Variants in HSF2 observed in about 807,000 individuals in gnomAD.
HSF2 encodes heat shock transcription factor 2, also known as heat shock factor protein 2.
Under a neutral mutation model 65.0 loss-of-function variants are expected in HSF2, and 21 were observed. The ratio of observed to expected loss-of-function variants is 0.32; its 90% CI spans 0.23 to 0.47. The LOEUF is 0.47. Ranked by LOEUF, HSF2 falls within the 20% of genes least tolerant of loss-of-function variation. The probability of loss-of-function intolerance (pLI) is 1.00; values close to 1 mark genes in which losing one functional copy is unlikely to be tolerated. For synonymous variants in HSF2, 225 were observed against 219.1 expected (o/e 1.03, Z -0.24); for missense variants, 499 against 628.1 (o/e 0.79, Z 2.20).
At chr6:122,401,456 T>C (rs141083076) in intron 1 of HSF2, among the ~76,000 whole-genome samples, 1,757 of 152,332 alleles carry the variant, frequency 0.012, 39 homozygotes, top group African/African-American at 0.041. Context: ...CAGTTGCTTT[T>C]AATCAGAGTA....
At chr6:122,423,119 C>A (rs1774272548) in intron 9 of HSF2, among the ~76,000 whole-genome samples, 162 bp downstream of exon 9, 1 of 152,288 alleles carries the variant, frequency 6.6e-6, no homozygotes, top group South Asian at 2.1e-4. Flanking sequence ...GGGATTTAAT[C>A]ATCCCAAGAA....
At chr6:122,404,715 C>G (rs1773825443) in intron 1 of HSF2, among the ~76,000 whole-genome samples, 1 of 152,136 alleles carries the variant, frequency 6.6e-6, no homozygotes, top group Admixed American at 6.5e-5. Flanking sequence ...TTTTCTCATC[C>G]TTGTAAAATA....
chr6:122,429,617 C>A (rs1168663377), intron 11 of HSF2, among the ~76,000 whole-genome samples: 1 of 152,056 alleles, frequency 6.6e-6, no homozygotes, highest in Non-Finnish European at 1.5e-5. Flanking sequence ...GAAATGAAAT[C>A]TCATTCAGTA....
rs781738612 is a variant in HSF2 at position 122,432,072 on chromosome 6, A to G, written c.1463A>G (p.Asp488Gly). 1.2e-6 allele frequency: 2 copies of G among 1,614,132 alleles called. No individual in the cohort carries two copies. The highest frequency in any genetic ancestry group is 2.2e-5 in the South Asian group (2 of 91,080). Residue 488 changes from aspartate to glycine, a missense_variant, in exon 13 of 13, where the codon GAT becomes GGT. This residue lies in a region of HSF2 where 349 missense variants were observed against 393.5 expected (regional missense o/e 0.89). Coordinates refer to ENST00000368455, the MANE Select transcript of HSF2 (RefSeq NM_004506.4). Reference protein sequence around the residue: ...DKPIEVDELLDSSLDPEPTQS... With the variant: ...DKPIEVDELLGSSLDPEPTQS... ...CCCATAGAAGTTGATGAGCTTCTGG[A>G]TAGCAGCCTAGACCCAGAACCAACC... is the stretch of plus-strand genomic sequence containing the variant.
chr6:122,404,991 A>C (rs1381569089), intron 1 of HSF2, among the ~76,000 whole-genome samples: 1 of 152,200 alleles, frequency 6.6e-6, no homozygotes, highest in Non-Finnish European at 1.5e-5. Context: ...CCAAAGATTA[A>C]TTTAGTCAGT....
At chr6:122,427,317 T>C (rs534838698) in intron 10 of HSF2, among the ~76,000 whole-genome samples, 8 of 152,100 alleles carry the variant, frequency 5.3e-5, no homozygotes, top group Admixed American at 2.6e-4. Context: ...TTATGACTTA[T>C]AGTTACATCT....
Position 122,432,470 on chromosome 6 carries a change from T to C in HSF2, c.*250T>C. 1 of 377,254 alleles carries C rather than the reference T, an allele frequency of 2.7e-6. No homozygotes were observed. Among genetic ancestry groups the C allele is most frequent in the Non-Finnish European group, 4.8e-6 (1 of 208,540 alleles). 23.4% of individuals were successfully genotyped at this position (377,254 alleles called of 1,614,324 possible). ...TCTTTAAGTTGGATTCAAATGGCCA[T>C]TTTTCTCCAATTTTGGTAAATTGGA... On this transcript the variant is annotated 3_prime_UTR_variant, in exon 13 of 13. Transcript: ENST00000368455.
chr6:122,420,187 A>T lies in HSF2; in HGVS notation c.646A>T (p.Ile216Leu). The change falls in exon 7 of 13, where the codon ATA (isoleucine) becomes TTA (leucine). Residue 216 changes from isoleucine to leucine, a missense_variant. By Grantham distance (5) the Ile-to-Leu change is conservative. Transcript: ENST00000368455. ...CCAAAAGAAGAACCTGTTTCAGCAC[A>T]TAGTCAAAGAACCAACTGATAATCA... ...GAQKKNLFQH[I>L]VKEPTDNHHH... 6.2e-7 allele frequency: 1 copy of T among 1,606,884 alleles called. No homozygotes were observed. The highest frequency in any genetic ancestry group is 8.5e-7 in the Non-Finnish European group (1 of 1,174,352).
chr6:122,399,813 T>C lies in HSF2; in HGVS notation c.76T>C (p.Phe26Leu). ...TGTGGAGGAAACCCACACTAACGAG[T>C]TCATCACCTGGAGCCAGGTACGGTC... ...TLVEETHTNE[F>L]ITWSQNGQSF... Residue 26 changes from phenylalanine to leucine, a missense_variant, in exon 1 of 13, where the codon TTC becomes CTC. By Grantham distance (22) the Phe-to-Leu change is conservative. This residue lies in a region of HSF2 where 150 missense variants were observed against 234.6 expected (regional missense o/e 0.64). Coordinates refer to ENST00000368455, the MANE Select transcript of HSF2 (RefSeq NM_004506.4). The C allele has an allele frequency of 6.2e-7, 1 of 1,611,644 alleles. No homozygotes were observed. Among genetic ancestry groups the C allele is most frequent in the East Asian group, 2.2e-5 (1 of 44,598 alleles).
intron 10 of HSF2, 144 bp from the exon 11 acceptor site, chr6:122,427,759 C>G (rs1406661688): frequency 4.6e-6 from 2 of 438,942 alleles, no homozygotes; most frequent in Non-Finnish European, 8.1e-6. Context: ...TTCTGCTTTT[C>G]TCTTTCAAAC....
intron 12 of HSF2, 55 bp from the exon 13 acceptor site, chr6:122,431,870 C>T: frequency 6.7e-7 from 1 of 1,489,064 alleles, no homozygotes; most frequent in Non-Finnish European, 9.1e-7. Context: ...TTTTTCCCCT[C>T]AGCTTGAACT....
Position 122,423,663 on chromosome 6 carries a change from A to G in HSF2, c.1153A>G (p.Ile385Val), listed in dbSNP as rs1440876158. The change falls in exon 10 of 13, where the codon ATA becomes GTA. Residue 385 changes from isoleucine (I) to valine (V), a missense_variant. Physicochemically the swap from Ile to Val is conservative, Grantham distance 29. Around this residue, in one of 2 missense-constraint regions of HSF2, gnomAD observed 349 missense variants for 393.5 expected, o/e 0.89. Transcript: ENST00000368455. ...CATGCTATCAGGAAGACAATTTAGC[A>G]TAGACCCAGATCTCCTGGTTGATGT... ...QAMLSGRQFS[I>V]DPDLLVDLFT... The G allele has an allele frequency of 1.2e-6, 2 of 1,605,244 alleles. No homozygotes were observed. The highest frequency in any genetic ancestry group is 1.1e-5 in the South Asian group (1 of 90,436).
intron 6 of HSF2, 148 bp downstream of exon 6, chr6:122,419,377 T>A: frequency 2.0e-6 from 1 of 502,582 alleles, no homozygotes. Flanking sequence ...TTAAAATCTC[T>A]AGAGTAGTAT....
chr6:122,405,415 A>G (rs1434006691), intron 1 of HSF2, among the ~76,000 whole-genome samples: 1 of 152,194 alleles, frequency 6.6e-6, no homozygotes, highest in Admixed American at 6.5e-5. Context: ...TAAGTTTAAT[A>G]GAGTTACTGA....
intron 11 of HSF2, 125 bp downstream of exon 11, chr6:122,428,081 G>T: frequency 2.0e-6 from 1 of 507,962 alleles, no homozygotes; most frequent in Non-Finnish European, 3.5e-6. Flanking sequence ...CAGTATGTGT[G>T]ATCAAGATAA....
At chr6:122,405,779 A>C (rs1773857002) in intron 1 of HSF2, among the ~76,000 whole-genome samples, 1 of 152,224 alleles carries the variant, frequency 6.6e-6, no homozygotes, top group African/African-American at 2.4e-5. Context: ...TTCTCACTAC[A>C]AAGGTAGAGT....
In HSF2 at chr6:122,432,641, A is replaced by C. The variant is rs1774502357; in HGVS notation, c.*421A>C. ...TTTCTCTGCTCCAGTTATTTTTATTAAATATTTTTCACTTGGCTTATTTTT... is the reference window on the plus strand; with the variant it reads ...TTTCTCTGCTCCAGTTATTTTTATTCAATATTTTTCACTTGGCTTATTTTT... On this transcript the variant is annotated 3_prime_UTR_variant, in exon 13 of 13. Coordinates refer to ENST00000368455, the MANE Select transcript of HSF2 (RefSeq NM_004506.4). The C allele has an allele frequency of 6.5e-6, 1 of 154,442 alleles. No homozygotes were observed. The highest frequency in any genetic ancestry group is 2.0e-4 in the South Asian group (1 of 4,980). The allele number at this position is 154,442 out of a possible 1,614,324, so 9.6% of individuals were successfully genotyped here.
At chr6:122,407,436 G>A (rs551920551) in intron 1 of HSF2, among the ~76,000 whole-genome samples, 81 of 152,178 alleles carry the variant, frequency 5.3e-4, no homozygotes, top group African/African-American at 1.8e-3. Context: ...ATTAGTTATC[G>A]TTCTTACTTT....
At chr6:122,420,696 A>ATTTATTTTTTTTT (rs1353831309) in intron 7 of HSF2, among the ~76,000 whole-genome samples, 2 of 20,382 alleles carry the variant, frequency 9.8e-5, no homozygotes, top group Admixed American at 7.1e-4. Flanking sequence ...TAGTTTATTC[A>ATTTATTTTTTTTT]TTTCTTTTTT....
Sources: allele counts gnomAD v4.1 joint callset (sites outside exome capture counted in the v4.1 genomes callset), GRCh38; gene constraint gnomAD v4.1.1; regional missense constraint gnomAD v4.1.1; transcripts MANE v1.5; gene names NCBI Gene and HGNC (gene_info 2026-07-23, HGNC 2026-07-21).